ANAPC7: variants seen among roughly 807,000 people sequenced by gnomAD.
ANAPC7 encodes the protein anaphase-promoting complex subunit 7.
In ANAPC7, 25 loss-of-function variants were observed where a neutral mutation model predicts 63.3. The observed-to-expected ratio is 0.39, with a 90% CI of 0.29 to 0.55. The LOEUF (loss-of-function observed/expected upper bound fraction) is 0.55, where lower values mean the gene tolerates loss of function less well. Ranked by LOEUF, ANAPC7 falls within the 20% of genes least tolerant of loss-of-function variation. ANAPC7 has a pLI of 0.57. For missense variants in ANAPC7, 516 were observed against 691.7 expected, an observed-to-expected ratio of 0.75 and a Z score of 2.85; for synonymous variants, 241 against 251.7, an observed-to-expected ratio of 0.96 and a Z score of 0.40.
At chr12:110,392,704 A>G (rs1053529177) in intron 3 of ANAPC7, among the ~76,000 whole-genome samples, 1 of 152,254 alleles carries the variant, frequency 6.6e-6, no homozygotes, top group African/African-American at 2.4e-5. Flanking sequence ...AAAAAGTAGT[A>G]AAGCTCACAA....
In ANAPC7 at chr12:110,374,304, T is replaced by A; in HGVS notation, c.1538A>T (p.Glu513Val). ...CTCCTTCTCCATCTTCTGCATCCCC[T>A]CTAGAGACTTCTGGTCATTGGGGTC... Reference protein sequence around the residue: ...SLDPNDQKSLEGMQKMEKEES... With the variant: ...SLDPNDQKSLVGMQKMEKEES... The change falls in exon 11 of 11, where the codon GAG becomes GTG. Residue 513 changes from glutamate (E) to valine (V), a missense_variant. Transcript: ENST00000455511. 6.2e-7 allele frequency: 1 copy of A among 1,614,072 alleles called. No homozygotes were observed. Among genetic ancestry groups the A allele is most frequent in the East Asian group, 2.2e-5 (1 of 44,868 alleles).
chr12:110,396,590 A>G, intron 1 of ANAPC7, 138 bp from the exon 2 acceptor site: 3 of 582,876 alleles, frequency 5.1e-6, no homozygotes, highest in Admixed American at 3.5e-5. Context: ...GGCTCACTGC[A>G]ACCTCCACCT....
intron 3 of ANAPC7, among the ~76,000 whole-genome samples, 200 bp from the exon 4 acceptor site, chr12:110,388,823 G>T (rs541275031): frequency 1.3e-5 from 2 of 152,282 alleles, no homozygotes; most frequent in East Asian, 3.9e-4. Flanking sequence ...GCTCACGCCT[G>T]TAATCCCAGC....
At chr12:110,394,942 T>A (rs558619667) in intron 3 of ANAPC7, among the ~76,000 whole-genome samples, 159 bp downstream of exon 3, 9 of 152,108 alleles carry the variant, frequency 5.9e-5, no homozygotes, top group Non-Finnish European at 1.2e-4. Flanking sequence ...TCAGCTGGAT[T>A]TTCAGGGTCC....
At chr12:110,375,385 C>T in intron 10 of ANAPC7, 1 of 980,058 alleles carries the variant, frequency 1.0e-6, no homozygotes, top group Non-Finnish European at 1.2e-6. Flanking sequence ...GTGTGCTGAA[C>T]AATTGAATGT....
chr12:110,383,207 G>T, intron 6 of ANAPC7: 1 of 363,264 alleles, frequency 2.8e-6, no homozygotes, highest in Non-Finnish European at 5.0e-6. Flanking sequence ...AAGAAGCCGA[G>T]GCAGGTGGAT....
chr12:110,382,293 G>C (rs1280138227), intron 7 of ANAPC7, among the ~76,000 whole-genome samples: 1 of 150,856 alleles, frequency 6.6e-6, no homozygotes, highest in South Asian at 2.1e-4. Context: ...TCAGTACTAA[G>C]CACAATGCAT....
chr12:110,387,742 A>G lies in ANAPC7; in HGVS notation c.671T>C (p.Ile224Thr). ...GAATTAACTTTGTGGCTCTCACCAG[A>G]TGGTACTGATTGCTCTTGAGTTGTC... ...TGDNSRAISTICSLEKKSLLR... is the reference protein window; with the variant it reads ...TGDNSRAISTTCSLEKKSLLR... The change falls in exon 5 of 11, where the codon ATC becomes ACC. Residue 224 changes from isoleucine (I) to threonine (T), a missense_variant. By Grantham distance (89) the Ile-to-Thr change is moderately conservative. This residue lies in a region of ANAPC7 where 199 missense variants were observed against 249.3 expected (regional missense o/e 0.80). Transcript: ENST00000455511. The G allele has an allele frequency of 6.2e-7, 1 of 1,611,344 alleles. No individual in the cohort carries two copies.
At chr12:110,392,809 T>C (rs1883213751) in intron 3 of ANAPC7, among the ~76,000 whole-genome samples, 2 of 152,168 alleles carry the variant, frequency 1.3e-5, no homozygotes, top group African/African-American at 4.8e-5. Context: ...TTTTTGTTTT[T>C]TTTGAGATGG....
At position 110,403,685 on chromosome 12, in the gene ANAPC7, G is replaced by A. The variant is rs952760516; in HGVS notation, c.-58C>T. ...GCACTGACTCGAAAAGCCGGTAGAG[G>A]ATCCTTAGGGAAGACTCCAAAATGG... On this transcript the variant is annotated 5_prime_UTR_variant, in exon 1 of 11. Coordinates refer to ENST00000455511, the MANE Select transcript of ANAPC7 (RefSeq NM_016238.3). The A allele has an allele frequency of 6.4e-6, 10 of 1,553,842 alleles. No homozygotes were observed. The highest frequency in any genetic ancestry group is 1.7e-4 in the Middle Eastern group (1 of 5,986).
At chr12:110,396,225 C>CAAA (rs369613988) in intron 2 of ANAPC7, 41 bp downstream of exon 2, 1,000 of 1,281,216 alleles carry the variant, frequency 7.8e-4, no homozygotes, top group South Asian at 9.2e-4. Flanking sequence ...GAGTCTTTCT[C>CAAA]AAAAAAAAAA....
intron 4 of ANAPC7, 90 bp from the exon 5 acceptor site, chr12:110,387,982 A>G: frequency 7.2e-7 from 1 of 1,389,710 alleles, no homozygotes; most frequent in Non-Finnish European, 9.9e-7. Flanking sequence ...TCCCTTGGCT[A>G]AAAGGCAACT....
At chr12:110,374,441 A>T in intron 10 of ANAPC7, 108 bp from the exon 11 acceptor site, 2 of 1,131,236 alleles carry the variant, frequency 1.8e-6, no homozygotes, top group Non-Finnish European at 2.5e-6. Flanking sequence ...GTCCCAAAAA[A>T]TGTGCTAAAG....
chr12:110,391,200 A>G (rs1436713873), intron 3 of ANAPC7, among the ~76,000 whole-genome samples: 1 of 152,148 alleles, frequency 6.6e-6, no homozygotes, highest in African/African-American at 2.4e-5. Context: ...AAACAAACAA[A>G]CAAAAAAAGT....
intron 8 of ANAPC7, chr12:110,377,848 A>G (rs1438831678): frequency 2.9e-6 from 4 of 1,394,298 alleles, no homozygotes; most frequent in African/African-American, 2.9e-5. Flanking sequence ...AGGCACCTTC[A>G]GTTTAGGGAA....
intron 3 of ANAPC7, among the ~76,000 whole-genome samples, chr12:110,391,869 C>CG (rs1216942174): frequency 1.3e-5 from 2 of 151,856 alleles, no homozygotes; most frequent in East Asian, 3.9e-4. Flanking sequence ...CCAAGGCAGG[C>CG]GGATCACCTA....
At chr12:110,397,677 C>G (rs939950196) in intron 1 of ANAPC7, among the ~76,000 whole-genome samples, 2 of 152,052 alleles carry the variant, frequency 1.3e-5, no homozygotes, top group Non-Finnish European at 2.9e-5. Context: ...GCAGGCGGAT[C>G]ACCTGAGGTC....
chr12:110,379,984 A>G (rs1449972720), intron 8 of ANAPC7, among the ~76,000 whole-genome samples: 1 of 152,160 alleles, frequency 6.6e-6, no homozygotes, highest in Non-Finnish European at 1.5e-5. Context: ...CCCACAGCCA[A>G]CACTATCATA....
At chr12:110,384,166 C>T (rs926629297) in intron 6 of ANAPC7, among the ~76,000 whole-genome samples, 8 of 152,000 alleles carry the variant, frequency 5.3e-5, no homozygotes, top group African/African-American at 1.9e-4. Flanking sequence ...TGCACCACTG[C>T]ACTCCAGCCT....
Sources: allele counts gnomAD v4.1 joint callset (sites outside exome capture counted in the v4.1 genomes callset), GRCh38; gene constraint gnomAD v4.1.1; regional missense constraint gnomAD v4.1.1; transcripts MANE v1.5; gene names NCBI Gene and HGNC (gene_info 2026-07-23, HGNC 2026-07-21).